LINS1: variants seen among roughly 807,000 people sequenced by gnomAD.
LINS1 encodes the protein lines homolog 1.
Under a neutral mutation model 41.6 loss-of-function variants are expected in LINS1, and 27 were observed. The ratio of observed to expected loss-of-function variants is 0.65; its 90% CI spans 0.48 to 0.89. LINS1 has a LOEUF of 0.89. Ranked by LOEUF, LINS1 falls within the 40% of genes least tolerant of loss-of-function variation. The probability of loss-of-function intolerance (pLI) is 0.00; values close to 1 mark genes in which losing one functional copy is unlikely to be tolerated. For missense variants in LINS1, 955 were observed against 884.1 expected, an observed-to-expected ratio of 1.08 and a Z score of -1.02; for synonymous variants, 336 against 312.9, an observed-to-expected ratio of 1.07 and a Z score of -0.78.
intron 1 of LINS1, among the ~76,000 whole-genome samples, chr15:100,594,959 G>A (rs574545323): frequency 3.0e-4 from 46 of 152,166 alleles, no homozygotes; most frequent in African/African-American, 1.1e-3. Flanking sequence ...GTTCCTCCTC[G>A]GGCATCAACA....
chr15:100,580,373 T>C (rs886352678), intron 2 of LINS1, 21 bp from the exon 3 acceptor site: 1 of 1,604,616 alleles, frequency 6.2e-7, no homozygotes, highest in African/African-American at 1.3e-5. Context: ...ACAAATATAA[T>C]TAACCACTAT....
intron 1 of LINS1, among the ~76,000 whole-genome samples, chr15:100,583,763 T>A (rs1203036000): frequency 6.6e-6 from 1 of 152,210 alleles, no homozygotes. Flanking sequence ...ATGAACACTC[T>A]CCCTATTGCA....
At chr15:100,600,571 A>AAAAAAAAAC (rs2039443657) in intron 1 of LINS1, among the ~76,000 whole-genome samples, 1 of 150,726 alleles carries the variant, frequency 6.6e-6, no homozygotes, top group African/African-American at 2.4e-5. Flanking sequence ...AAAAAAAAAA[A>AAAAAAAAAC]CAGGGAGAAA....
chr15:100,577,749 C>T (rs1233044914), intron 3 of LINS1, among the ~76,000 whole-genome samples: 3 of 152,166 alleles, frequency 2.0e-5, no homozygotes, highest in African/African-American at 7.2e-5. Flanking sequence ...AAGCTGGAGG[C>T]ATCACGCTAC....
intron 1 of LINS1, among the ~76,000 whole-genome samples, chr15:100,595,985 G>A (rs914737321): frequency 6.6e-6 from 1 of 152,210 alleles, no homozygotes; most frequent in African/African-American, 2.4e-5. Context: ...CCTATTAAAA[G>A]AAGTGGGGCA....
In LINS1 at chr15:100,567,878, T is replaced by A. The variant is rs1240225099; in HGVS notation, c.*1360A>T. On this transcript the variant is annotated 3_prime_UTR_variant, in exon 7 of 7. Coordinates refer to ENST00000314742, the MANE Select transcript of LINS1 (RefSeq NM_001040616.3). ...CTCCACTGATTTTTCCATGTCTACCTGAATTAAGTACTAAACTGTTTCGAA... is the reference window on the plus strand; with the variant it reads ...CTCCACTGATTTTTCCATGTCTACCAGAATTAAGTACTAAACTGTTTCGAA... 6.6e-6 allele frequency: 1 copy of A among 152,244 alleles called. No individual in the cohort carries two copies. Among genetic ancestry groups the A allele is most frequent in the East Asian group, 1.9e-4 (1 of 5,196 alleles). The allele number at this position is 152,244 out of a possible 1,614,324, so 9.4% of individuals were successfully genotyped here. A position where few individuals can be genotyped will look rare whatever the true frequency, so the allele number is the denominator to read the frequency against.
chr15:100,572,407 T>G, intron 5 of LINS1: 1 of 1,127,418 alleles, frequency 8.9e-7, no homozygotes, highest in African/African-American at 1.6e-5. Flanking sequence ...GATCACTTCA[T>G]CGGATGCCAG....
intron 3 of LINS1, among the ~76,000 whole-genome samples, chr15:100,575,863 A>C (rs558871335): frequency 3.9e-5 from 6 of 152,378 alleles, no homozygotes; most frequent in South Asian, 2.1e-4. Flanking sequence ...ACTCAGGATT[A>C]AGAAACTCAC....
At chr15:100,575,785 C>A (rs1390150545) in intron 3 of LINS1, among the ~76,000 whole-genome samples, 1 of 152,198 alleles carries the variant, frequency 6.6e-6, no homozygotes, top group Non-Finnish European at 1.5e-5. Flanking sequence ...TAAAGCACTC[C>A]TCAGCAAATG....
rs549444741 is a variant in LINS1 at position 100,580,901 on chromosome 15, A to G, written c.-59T>C. ...GACAACTCCAAGTTGTAAACATTAA[A>G]TCTCAGAAGTGCAATGAATCTCTAA... On this transcript the variant is annotated 5_prime_UTR_variant, in exon 2 of 7. Transcript: ENST00000314742. 1.0e-4 allele frequency: 152 copies of G among 1,473,728 alleles called. No homozygotes were observed. The African/African-American group carries it at 1.9e-3, about 19-fold the overall frequency. The allele number at this position is 1,473,728 out of a possible 1,614,324, so 91.3% of individuals were successfully genotyped here.
chr15:100,582,805 G>A (rs948428667), intron 1 of LINS1, among the ~76,000 whole-genome samples: 1 of 149,076 alleles, frequency 6.7e-6, no homozygotes, highest in South Asian at 2.1e-4. Context: ...TCTACACTAC[G>A]GCCCACTAGC....
At chr15:100,590,852 C>G (rs1046865415) in intron 1 of LINS1, among the ~76,000 whole-genome samples, 1 of 152,134 alleles carries the variant, frequency 6.6e-6, no homozygotes, top group Non-Finnish European at 1.5e-5. Flanking sequence ...GAAGCATACT[C>G]CAAACTCTTG....
At chr15:100,573,588 TA>T in intron 5 of LINS1, 62 bp downstream of exon 5, 4 of 1,034,216 alleles carry the variant, frequency 3.9e-6, no homozygotes, top group Non-Finnish European at 5.9e-6. Context: ...ATTTGATAAT[TA>T]TGAATTACTG....
Position 100,570,062 on chromosome 15 carries a change from T to G in LINS1, c.1450A>C (p.Thr484Pro). ...TGAGGATTATAGCCATTTTCATGTG[T>G]GTGATGGTCCCACATTTCTTTTCCC... Reference protein sequence around the residue: ...TQGKEMWDHHTHENGYNPHCI... With the variant: ...TQGKEMWDHHPHENGYNPHCI... The change falls in exon 7 of 7, where the codon ACA becomes CCA. Residue 484 changes from threonine (T) to proline (P), a missense_variant. Physicochemically the swap from Thr to Pro is conservative, Grantham distance 38. Transcript: ENST00000314742. The G allele has an allele frequency of 3.2e-6, 5 of 1,575,270 alleles. No individual in the cohort carries two copies. Among genetic ancestry groups the G allele is most frequent in the Non-Finnish European group, 4.3e-6 (5 of 1,169,520 alleles).
intron 1 of LINS1, among the ~76,000 whole-genome samples, chr15:100,586,937 G>C (rs1230238842): frequency 6.6e-6 from 1 of 152,038 alleles, no homozygotes; most frequent in African/African-American, 2.4e-5. Context: ...AAGGCGGGCA[G>C]ATCACGAGGT....
In LINS1 at chr15:100,575,732, C is replaced by A. The variant is rs536304221; in HGVS notation, c.490-604G>T. 2.5e-4 allele frequency among the ~76,000 whole-genome samples: 38 copies of A among 152,324 alleles called. No homozygotes were observed. The East Asian group carries it at 6.2e-3, about 25-fold the overall frequency. On this transcript the variant is annotated intron_variant, in intron 3 of 6. Coordinates refer to ENST00000314742, the MANE Select transcript of LINS1 (RefSeq NM_001040616.3). ...TCAACAGAATATACATTCTTCTCAGCACCACACCACACCTATTCCAAAATT... is the reference window on the plus strand; with the variant it reads ...TCAACAGAATATACATTCTTCTCAGAACCACACCACACCTATTCCAAAATT...
Position 100,575,280 on chromosome 15 carries a change from G to T in LINS1, c.490-152C>A, listed in dbSNP as rs115513128. On this transcript the variant is annotated intron_variant, in intron 3 of 6. Coordinates refer to ENST00000314742, the MANE Select transcript of LINS1 (RefSeq NM_001040616.3). ...ACAGAAGTATCCTAATATTATTTAA[G>T]TAAAAAAATCGAATATGCCACAGAA... is the stretch of plus-strand genomic sequence containing the variant. The T allele has an allele frequency of 4.1e-3, 2,555 of 616,282 alleles. 72 individuals are homozygous for T. In the African/African-American group the frequency reaches 0.043, roughly 10 times the overall value. 38.2% of individuals were successfully genotyped at this position (616,282 alleles called of 1,614,324 possible).
chr15:100,570,724 T>C (rs543644990), intron 6 of LINS1: 3 of 152,354 alleles, frequency 2.0e-5, no homozygotes, highest in South Asian at 2.1e-4. Flanking sequence ...CCTGTACATA[T>C]AGTTATACCT....
rs764811445 is a variant in LINS1 at position 100,580,289 on chromosome 15, G to A, written c.463C>T (p.Leu155Phe). Residue 155 changes from leucine (L) to phenylalanine (F), a missense_variant, in exon 3 of 7, where the codon CTT becomes TTT. By Grantham distance (22) the Leu-to-Phe change is conservative. Transcript: ENST00000314742. ...SHMAAQCLAL[L>F]LYFQLREKIT... is the part of the protein sequence containing the mutation. ...TTTTCTCTCAATTGGAAATATAGAA[G>A]CAATGCAAGGCACTGTGCAGCCATG... 1.2e-6 allele frequency: 2 copies of A among 1,609,972 alleles called. No individual in the cohort carries two copies. Among genetic ancestry groups the A allele is most frequent in the East Asian group, 2.2e-5 (1 of 44,812 alleles).
Sources: allele counts gnomAD v4.1 joint callset (sites outside exome capture counted in the v4.1 genomes callset), GRCh38; gene constraint gnomAD v4.1.1; transcripts MANE v1.5; gene names NCBI Gene and HGNC (gene_info 2026-07-23, HGNC 2026-07-21).